The following RAD17 variants were observed in gnomAD, a reference collection of about 807,000 sequenced individuals.
The protein encoded by RAD17 is RAD17 checkpoint clamp loader component.
A neutral mutation model predicts 81.5 loss-of-function variants in RAD17; 31 were observed. The observed-to-expected ratio is 0.38, with a 90% CI of 0.29 to 0.51. RAD17 has a LOEUF of 0.51. Ranked by LOEUF, RAD17 falls within the 20% of genes least tolerant of loss-of-function variation. The pLI is 0.88. For synonymous variants in RAD17, 261 were observed against 266.2 expected, an observed-to-expected ratio of 0.98 and a Z score of 0.19; for missense variants, 681 against 781.2, an observed-to-expected ratio of 0.87 and a Z score of 1.53.
Position 69,372,166 on chromosome 5 carries a change from G to C in RAD17, c.-43G>C, listed in dbSNP as rs768970237. The C allele has an allele frequency of 1.3e-6, 2 of 1,599,780 alleles. No homozygotes were observed. The highest frequency in any genetic ancestry group is 1.7e-6 in the Non-Finnish European group (2 of 1,170,934). On this transcript the variant is annotated 5_prime_UTR_variant, in exon 4 of 19. Coordinates refer to ENST00000354868, the MANE Select transcript of RAD17 (RefSeq NM_133338.3). The stretch of plus-strand genomic sequence containing the variant: ...ACTCTCAAAAATATAGAGGAAAGGG[G>C]CCAAGATTATAGTACCAGTCACAAT...
At chr5:69,376,943 A>G (rs1010089675) in intron 6 of RAD17, among the ~76,000 whole-genome samples, 1 of 152,056 alleles carries the variant, frequency 6.6e-6, no homozygotes, top group African/African-American at 2.4e-5. Context: ...TAATAGAGAC[A>G]GGGTTTCACC....
At chr5:69,391,066 A>G (rs1764526151) in intron 12 of RAD17, among the ~76,000 whole-genome samples, 1 of 151,884 alleles carries the variant, frequency 6.6e-6, no homozygotes, top group Non-Finnish European at 1.5e-5. Flanking sequence ...GTGAAACCTC[A>G]TCTCTGCTAA....
chr5:69,389,506 G>A (rs1163625754), intron 12 of RAD17, among the ~76,000 whole-genome samples: 7 of 152,078 alleles, frequency 4.6e-5, no homozygotes, highest in Non-Finnish European at 8.8e-5. Flanking sequence ...TTACCTCTTA[G>A]GGTTCTATGA....
chr5:69,410,472 C>T, intron 17 of RAD17, 21 bp from the exon 18 acceptor site: 1 of 1,601,722 alleles, frequency 6.2e-7, no homozygotes, highest in Non-Finnish European at 8.5e-7. Context: ...TTGTTTACAA[C>T]TTTTAAAAAA....
At chr5:69,371,207 T>G (rs531460085) in intron 2 of RAD17, 36 bp downstream of exon 2, 3 of 520,200 alleles carry the variant, frequency 5.8e-6, no homozygotes, top group Non-Finnish European at 7.2e-6. Flanking sequence ...TTTGTTTTTT[T>G]TTTTCTAATA....
chr5:69,406,677 A>T (rs922257897), intron 17 of RAD17, among the ~76,000 whole-genome samples: 1 of 146,700 alleles, frequency 6.8e-6, no homozygotes, highest in Non-Finnish European at 1.5e-5. Context: ...TAATTTTTGT[A>T]TTTTTTTTTT....
At chr5:69,369,658 T>G (rs1013340165), upstream of RAD17, 2 of 1,558,980 alleles carry the variant, frequency 1.3e-6, no homozygotes, top group South Asian at 1.2e-5. Context: ...ACTGGTTACC[T>G]GGCTTTCGAT....
chr5:69,385,773 T>G (rs1764173594), intron 8 of RAD17, among the ~76,000 whole-genome samples: 1 of 152,120 alleles, frequency 6.6e-6, no homozygotes, highest in Non-Finnish European at 1.5e-5. Context: ...ATGGTTTAAG[T>G]ATAGAAAAAC....
intron 17 of RAD17, among the ~76,000 whole-genome samples, chr5:69,401,994 ACT>A (rs1337853689): frequency 1.1e-5 from 1 of 94,750 alleles, no homozygotes; most frequent in Non-Finnish European, 2.0e-5. Flanking sequence ...ACAGAGCAAG[ACT>A]CTGTCTCAAA....
chr5:69,400,839 C>T (rs1447955417), intron 17 of RAD17, among the ~76,000 whole-genome samples: 1 of 151,776 alleles, frequency 6.6e-6, no homozygotes, highest in Non-Finnish European at 1.5e-5. Context: ...GAGGCTGAGG[C>T]AGGAGAATCA....
chr5:69,377,469 A>G (rs1763441903), intron 6 of RAD17, among the ~76,000 whole-genome samples: 4 of 6,034 alleles, frequency 6.6e-4, no homozygotes, highest in Non-Finnish European at 5.0e-3. Flanking sequence ...ATATATATAT[A>G]TATATACACA....
intron 13 of RAD17, chr5:69,392,705 A>T: frequency 2.4e-6 from 1 of 414,818 alleles, no homozygotes; most frequent in Non-Finnish European, 4.9e-6. Flanking sequence ...GACTATTCCC[A>T]CCTGATTCTT....
intron 6 of RAD17, among the ~76,000 whole-genome samples, chr5:69,375,981 C>T (rs544687450): frequency 1.3e-5 from 2 of 152,236 alleles, no homozygotes; most frequent in African/African-American, 2.4e-5. Context: ...TTAACTTATT[C>T]GTCTATCCTG....
chr5:69,399,678 A>G (rs1195406860), intron 16 of RAD17, among the ~76,000 whole-genome samples: 2 of 112,908 alleles, frequency 1.8e-5, no homozygotes. Context: ...TCTCTTGCTC[A>G]GCATAACGTG....
chr5:69,391,879 A>G lies in RAD17; in HGVS notation c.1055A>G (p.Asp352Gly). Reference protein sequence around the residue: ...PRKKGMSLKSDAVLSKSKRRK... With the variant: ...PRKKGMSLKSGAVLSKSKRRK... Reference sequence around the variant, plus strand: ...AAAAAAGGAATGTCTTTAAAATCAGATGCTGTGCTGTCAAAATCAAAACGA... The same window carrying G: ...AAAAAAGGAATGTCTTTAAAATCAGGTGCTGTGCTGTCAAAATCAAAACGA... Residue 352 changes from aspartate to glycine, a missense_variant, in exon 13 of 19, where the codon GAT becomes GGT. Transcript: ENST00000354868. 2 of 1,590,606 alleles carry G rather than the reference A, an allele frequency of 1.3e-6. No homozygotes were observed. Among genetic ancestry groups the G allele is most frequent in the South Asian group, 1.2e-5 (1 of 86,332 alleles).
At chr5:69,382,110 G>C in intron 7 of RAD17, 53 bp downstream of exon 7, 1 of 1,544,728 alleles carries the variant, frequency 6.5e-7, no homozygotes, top group Non-Finnish European at 8.8e-7. Flanking sequence ...TGTGCTTAAG[G>C]GAGCTTTCAG....
chr5:69,397,899 C>G (rs1040862744), intron 16 of RAD17, among the ~76,000 whole-genome samples: 11 of 152,058 alleles, frequency 7.2e-5, no homozygotes, highest in African/African-American at 1.2e-4. Flanking sequence ...GGGCAGATCA[C>G]GAGGTCAGGA....
chr5:69,388,719 A>T (rs1278642841), intron 11 of RAD17, among the ~76,000 whole-genome samples: 1 of 151,790 alleles, frequency 6.6e-6, no homozygotes, highest in Non-Finnish European at 1.5e-5. Context: ...TGATCCTCCC[A>T]TTTCAGCCTC....
intron 17 of RAD17, among the ~76,000 whole-genome samples, chr5:69,407,567 T>TTG (rs1765690674): frequency 1.8e-5 from 2 of 112,516 alleles, no homozygotes; most frequent in Non-Finnish European, 3.6e-5. Flanking sequence ...TCCAAGTTTT[T>TTG]TTTTTTTTTT....
Sources: allele counts gnomAD v4.1 joint callset (sites outside exome capture counted in the v4.1 genomes callset), GRCh38; gene constraint gnomAD v4.1.1; transcripts MANE v1.5; gene names NCBI Gene and HGNC (gene_info 2026-07-23, HGNC 2026-07-21).